TRPC4AP: variants seen among roughly 807,000 people sequenced by gnomAD.
The protein encoded by TRPC4AP is transient receptor potential cation channel subfamily C member 4 associated protein.
TRPC4AP carries 45 observed loss-of-function variants against 99.0 expected under a neutral mutation model. The observed-to-expected ratio is 0.45, with a 90% CI of 0.36 to 0.58. TRPC4AP has a LOEUF of 0.58. Among genes scored for constraint, TRPC4AP ranks in the 20% least tolerant of loss-of-function variants. The pLI is 0.00. For missense variants in TRPC4AP, 879 were observed against 985.3 expected, an observed-to-expected ratio of 0.89 and a Z score of 1.44; for synonymous variants, 408 against 385.8, an observed-to-expected ratio of 1.06 and a Z score of -0.67.
chr20:35,062,778 G>A (rs950071848), intron 3 of TRPC4AP, among the ~76,000 whole-genome samples: 1 of 152,102 alleles, frequency 6.6e-6, no homozygotes, highest in African/African-American at 2.4e-5. Context: ...GGTGACAGTG[G>A]TATATAACTC....
chr20:35,041,944 T>C (rs1021601764), intron 7 of TRPC4AP, among the ~76,000 whole-genome samples: 1 of 152,230 alleles, frequency 6.6e-6, no homozygotes, highest in Non-Finnish European at 1.5e-5. Context: ...TAGCAAATAC[T>C]ACCTTTTGTC....
intron 11 of TRPC4AP, 68 bp downstream of exon 11, chr20:35,012,940 G>A: frequency 6.5e-7 from 1 of 1,537,540 alleles, no homozygotes; most frequent in South Asian, 1.1e-5. Flanking sequence ...TCAGGGACCA[G>A]ACAAGGAGAT....
intron 16 of TRPC4AP, among the ~76,000 whole-genome samples, chr20:35,004,815 C>G (rs2082482645): frequency 6.6e-6 from 1 of 152,200 alleles, no homozygotes; most frequent in South Asian, 2.1e-4. Context: ...CTCAGGGCAG[C>G]TCTCCCTCAG....
At chr20:35,010,149 G>A (rs764921139) in intron 12 of TRPC4AP, 38 bp downstream of exon 12, 23 of 1,591,186 alleles carry the variant, frequency 1.4e-5, no homozygotes, top group Middle Eastern at 1.9e-4. Flanking sequence ...GTGGGCAGCC[G>A]GGATGGGCTG....
intron 8 of TRPC4AP, among the ~76,000 whole-genome samples, chr20:35,031,415 T>TC (rs1555907104): frequency 0.3 from 32,698 of 107,588 alleles, 5,337 homozygotes; most frequent in Admixed American, 0.41. Flanking sequence ...TTTTTTTTTT[T>TC]CAAAGAGATG....
At chr20:35,033,107 C>A (rs1241323097) in intron 8 of TRPC4AP, among the ~76,000 whole-genome samples, 1 of 151,994 alleles carries the variant, frequency 6.6e-6, no homozygotes, top group Non-Finnish European at 1.5e-5. Flanking sequence ...TGAGAGAGAA[C>A]TGCTTGAACA....
At chr20:35,066,942 A>C (rs908847081) in intron 3 of TRPC4AP, among the ~76,000 whole-genome samples, 1 of 152,232 alleles carries the variant, frequency 6.6e-6, no homozygotes, top group Non-Finnish European at 1.5e-5. Flanking sequence ...AAACACAAGA[A>C]AAAATATCCA....
intron 18 of TRPC4AP, 59 bp from the exon 19 acceptor site, chr20:35,003,342 G>C: frequency 1.2e-6 from 2 of 1,613,312 alleles, no homozygotes; most frequent in Non-Finnish European, 1.7e-6. Context: ...GCCCAGCACC[G>C]GGACACCCCT....
chr20:35,049,029 C>T (rs935694338), intron 6 of TRPC4AP, among the ~76,000 whole-genome samples: 1 of 152,152 alleles, frequency 6.6e-6, no homozygotes, highest in African/African-American at 2.4e-5. Context: ...CTCCCTGCAA[C>T]AGCAACCTCT....
chr20:35,074,484 G>C (rs936738787), intron 2 of TRPC4AP, among the ~76,000 whole-genome samples: 2 of 152,106 alleles, frequency 1.3e-5, no homozygotes, highest in African/African-American at 4.8e-5. Flanking sequence ...TGTTCTCAAT[G>C]GTTTCAAAGA....
In TRPC4AP at chr20:35,003,223, G is replaced by C. The variant is rs908600836; in HGVS notation, c.2317C>G (p.Arg773Gly). Reference protein sequence around the residue: ...ETVSILLNPDRQSPSALVSYI... With the variant: ...ETVSILLNPDGQSPSALVSYI... ...CTAACGAGAGCAGAGGGTGACTGCCGGTCCGGGTTCAACAGGATGGACACT... is the reference window on the plus strand; with the variant it reads ...CTAACGAGAGCAGAGGGTGACTGCCCGTCCGGGTTCAACAGGATGGACACT... The change falls in exon 19 of 19, where the codon CGG becomes GGG. Residue 773 changes from arginine to glycine, a missense_variant. By Grantham distance (125) the Arg-to-Gly change is moderately radical (BLOSUM62 -2). Around this residue, in one of 3 missense-constraint regions of TRPC4AP, gnomAD observed 224 missense variants for 264.7 expected, o/e 0.85. Transcript: ENST00000252015. 1 of 1,614,214 alleles carries C rather than the reference G, an allele frequency of 6.2e-7. No homozygotes were observed. Among genetic ancestry groups the C allele is most frequent in the Non-Finnish European group, 8.5e-7 (1 of 1,180,032 alleles).
At chr20:35,031,934 C>T (rs1438644052) in intron 8 of TRPC4AP, among the ~76,000 whole-genome samples, 1 of 152,140 alleles carries the variant, frequency 6.6e-6, no homozygotes, top group Admixed American at 6.5e-5. Context: ...CTTTGTCACC[C>T]AGGCGCAACT....
chr20:35,076,269 A>G (rs2084477881), intron 2 of TRPC4AP, among the ~76,000 whole-genome samples: 1 of 152,030 alleles, frequency 6.6e-6, no homozygotes, highest in Non-Finnish European at 1.5e-5. Flanking sequence ...CAACTCATCA[A>G]AGTCATTCTC....
chr20:35,042,563 A>G (rs961374602), intron 7 of TRPC4AP, among the ~76,000 whole-genome samples: 4 of 152,208 alleles, frequency 2.6e-5, no homozygotes, highest in African/African-American at 9.6e-5. Context: ...ATACATTTGT[A>G]TAATTTTACC....
At chr20:35,060,062 T>C (rs1363320595) in intron 3 of TRPC4AP, among the ~76,000 whole-genome samples, 1 of 151,976 alleles carries the variant, frequency 6.6e-6, no homozygotes, top group Non-Finnish European at 1.5e-5. Context: ...ACCTTGGACA[T>C]GATGGCTCCA....
At chr20:35,068,538 T>A (rs993657141) in intron 3 of TRPC4AP, among the ~76,000 whole-genome samples, 1 of 152,128 alleles carries the variant, frequency 6.6e-6, no homozygotes, top group African/African-American at 2.4e-5. Context: ...ACTAACCATT[T>A]AATTTTTTTT....
chr20:35,070,829 G>A (rs1410489712), intron 2 of TRPC4AP, among the ~76,000 whole-genome samples: 9 of 152,150 alleles, frequency 5.9e-5, no homozygotes, highest in African/African-American at 2.2e-4. Context: ...TTCTCAAACT[G>A]ACGGCCACAG....
At position 35,005,814 on chromosome 20, in the gene TRPC4AP, A is replaced by G. The variant is rs1246932366; in HGVS notation, c.1828-11T>C. The stretch of plus-strand genomic sequence containing the variant: ...CAGGAATACCTGGAACTATACAGAA[A>G]CCAAGCTCACAGCAGGCAGTGGGCT... On this transcript the variant is annotated splice_polypyrimidine_tract_variant and intron_variant, in intron 15 of 18. Transcript: ENST00000252015. 1 of 1,613,420 alleles carries G rather than the reference A, an allele frequency of 6.2e-7. No homozygotes were observed. Among genetic ancestry groups the G allele is most frequent in the Non-Finnish European group, 8.5e-7 (1 of 1,179,444 alleles).
intron 1 of TRPC4AP, among the ~76,000 whole-genome samples, chr20:35,092,005 G>A (rs1056064353): frequency 6.6e-6 from 1 of 152,158 alleles, no homozygotes; most frequent in Non-Finnish European, 1.5e-5. Context: ...ACCAGATATA[G>A]TCTCTGCACC....
Sources: allele counts gnomAD v4.1 joint callset (sites outside exome capture counted in the v4.1 genomes callset), GRCh38; gene constraint gnomAD v4.1.1; regional missense constraint gnomAD v4.1.1; transcripts MANE v1.5; gene names NCBI Gene and HGNC (gene_info 2026-07-23, HGNC 2026-07-21).